Variants in CNTNAP2 observed in about 807,000 individuals in gnomAD.
The protein encoded by CNTNAP2 is contactin-associated protein-like 2.
A neutral mutation model predicts 155.2 loss-of-function variants in CNTNAP2; 98 were observed. The ratio of observed to expected loss-of-function variants is 0.63; its 90% confidence interval spans 0.54 to 0.75. The LOEUF is 0.75. CNTNAP2 is among the 30% of genes least tolerant of loss of function. CNTNAP2 has a pLI of 0.00. For synonymous variants in CNTNAP2, 651 were observed against 631.2 expected (o/e 1.03, Z -0.47); for missense variants, 1,727 against 1,688.1 (o/e 1.02, Z -0.40).
chr7:147,851,116 T>C (rs1397979992), intron 13 of CNTNAP2, among the ~76,000 whole-genome samples: 1 of 152,184 alleles, frequency 6.6e-6, no homozygotes, highest in African/African-American at 2.4e-5. Flanking sequence ...GCGAAGGACA[T>C]GAACAGACAC....
chr7:148,301,306 A>AAATATATATATAT, intron 21 of CNTNAP2, among the ~76,000 whole-genome samples: 6 of 103,870 alleles, frequency 5.8e-5, no homozygotes, highest in African/African-American at 2.3e-4. Flanking sequence ...AAAAAAAAAA[A>AAATATATATATAT]ATATATATAT....
chr7:148,415,470 C>T lies in CNTNAP2; in HGVS notation c.3850C>T (p.Arg1284Trp), dbSNP rs763809167. ...CCTGTGCACCCTGGTCTTCCTGATCCGGTACATGTTCCGCCACAAGGGCAC... is the reference window on the plus strand; with the variant it reads ...CCTGTGCACCCTGGTCTTCCTGATCTGGTACATGTTCCGCCACAAGGGCAC... ...TILCTLVFLI[R>W]YMFRHKGTYH... The change falls in exon 24 of 24, where the codon CGG becomes TGG. Residue 1284 changes from arginine (R) to tryptophan (W), a missense_variant. By Grantham distance (101) the Arg-to-Trp change is moderately radical. Coordinates refer to ENST00000361727, the MANE Select transcript of CNTNAP2 (RefSeq NM_014141.6). 1.5e-5 allele frequency: 25 copies of T among 1,614,170 alleles called. No homozygotes were observed. The Admixed American group carries it at 3.3e-4, about 22-fold the overall frequency.
At chr7:146,242,481 G>T (rs1414994757) in intron 1 of CNTNAP2, among the ~76,000 whole-genome samples, 1 of 151,698 alleles carries the variant, frequency 6.6e-6, no homozygotes, top group African/African-American at 2.4e-5. Context: ...AGAGGTTGCA[G>T]TGAGCCGAGA....
chr7:148,189,458 G>A (rs1012316418), intron 18 of CNTNAP2, among the ~76,000 whole-genome samples: 2 of 152,100 alleles, frequency 1.3e-5, no homozygotes, highest in African/African-American at 2.4e-5. Context: ...ATAAGGAACC[G>A]ACTCCTGCAA....
intron 15 of CNTNAP2, among the ~76,000 whole-genome samples, chr7:148,099,421 TTGTGTGTGTG>T (rs35957905): frequency 0.038 from 5,416 of 141,000 alleles, 303 homozygotes; most frequent in African/African-American, 0.14. Context: ...AGCATTGCAA[TTGTGTGTGTG>T]TGTGTGTGTG....
chr7:148,050,271 C>G lies in CNTNAP2; in HGVS notation c.2384-67847C>G, dbSNP rs74748318. 1.4e-3 allele frequency among the ~76,000 whole-genome samples: 213 copies of G among 152,304 alleles called. 5 individuals are homozygous for G. In the East Asian group the frequency reaches 0.038, roughly 27 times the overall value. ...GGCAGCTCTGTGTGTGTCACTGCCC[C>G]TGAAGACCTCGCAGTAGGACAAGGT... On this transcript the variant is annotated intron_variant, in intron 15 of 23. Coordinates refer to ENST00000361727, the MANE Select transcript of CNTNAP2 (RefSeq NM_014141.6).
intron 9 of CNTNAP2, among the ~76,000 whole-genome samples, chr7:147,341,291 G>A (rs554517811): frequency 1.1e-3 from 170 of 152,004 alleles, no homozygotes; most frequent in Non-Finnish European, 1.6e-3. Context: ...CCTGTCGGTC[G>A]GTGGAGGGCT....
chr7:147,036,102 G>A (rs1799147134), intron 3 of CNTNAP2, among the ~76,000 whole-genome samples: 2 of 152,110 alleles, frequency 1.3e-5, no homozygotes, highest in African/African-American at 2.4e-5. Flanking sequence ...TGTAGCCCAT[G>A]GGACAAATCT....
intron 2 of CNTNAP2, among the ~76,000 whole-genome samples, chr7:146,787,333 G>A (rs1467800063): frequency 6.6e-6 from 1 of 152,082 alleles, no homozygotes; most frequent in Non-Finnish European, 1.5e-5. Context: ...TTGCGGTGAG[G>A]GTTACAGTTC....
intron 2 of CNTNAP2, among the ~76,000 whole-genome samples, chr7:146,822,658 A>T (rs868796481): frequency 3.4e-5 from 5 of 147,470 alleles, no homozygotes; most frequent in East Asian, 2.0e-4. Context: ...TAAATATTTA[A>T]ATATAAATAT....
chr7:148,339,333 T>C (rs1798180405), intron 21 of CNTNAP2: 1 of 152,258 alleles, frequency 6.6e-6, no homozygotes, highest in South Asian at 2.1e-4. Context: ...ATTACGTTTT[T>C]TAAAACTCCA....
chr7:148,154,658 C>T (rs1038602965), intron 17 of CNTNAP2, among the ~76,000 whole-genome samples: 36 of 152,248 alleles, frequency 2.4e-4, no homozygotes, highest in East Asian at 9.7e-4. Flanking sequence ...CAACTCAGGC[C>T]GGGCATGGTG....
chr7:146,996,162 G>A (rs1798305119), intron 3 of CNTNAP2, among the ~76,000 whole-genome samples: 1 of 151,864 alleles, frequency 6.6e-6, no homozygotes, highest in South Asian at 2.1e-4. Flanking sequence ...TAAAGAGACT[G>A]TTTTTTCCCC....
chr7:148,167,073 T>C (rs1805681527), intron 17 of CNTNAP2, among the ~76,000 whole-genome samples: 1 of 152,242 alleles, frequency 6.6e-6, no homozygotes, highest in African/African-American at 2.4e-5. Context: ...TTTTCCTTTA[T>C]AGAGCGAGAA....
At chr7:147,563,786 G>T (rs1167673559) in intron 12 of CNTNAP2, among the ~76,000 whole-genome samples, 1 of 151,930 alleles carries the variant, frequency 6.6e-6, no homozygotes, top group Non-Finnish European at 1.5e-5. Flanking sequence ...AAACTTCTTG[G>T]CTCCACCCCT....
chr7:148,144,008 T>C (rs751102455), intron 16 of CNTNAP2, among the ~76,000 whole-genome samples: 8 of 152,132 alleles, frequency 5.3e-5, no homozygotes, highest in Non-Finnish European at 1.0e-4. Flanking sequence ...GCTGTCCTTA[T>C]GCAAAGTGCA....
chr7:146,200,416 C>T (rs1407814894), intron 1 of CNTNAP2, among the ~76,000 whole-genome samples: 1 of 151,956 alleles, frequency 6.6e-6, no homozygotes, highest in Non-Finnish European at 1.5e-5. Context: ...ATCACTTGAA[C>T]CCGGAAGGCG....
At chr7:146,774,443 A>G in intron 2 of CNTNAP2, 62 bp downstream of exon 2, 1 of 1,091,140 alleles carries the variant, frequency 9.2e-7, no homozygotes. Flanking sequence ...TTATATTTAT[A>G]GCCATATATA....
chr7:147,171,790 G>C (rs927441249), intron 8 of CNTNAP2, among the ~76,000 whole-genome samples: 1 of 151,768 alleles, frequency 6.6e-6, no homozygotes, highest in Non-Finnish European at 1.5e-5. Context: ...ACTAGTTTCT[G>C]ATTAAAATAG....
Sources: gnomAD v4.1 joint callset for allele counts (sites outside exome capture counted in the v4.1 genomes callset) on GRCh38, gnomAD v4.1.1 for gene constraint, MANE v1.5 for transcripts, NCBI Gene and HGNC (gene_info 2026-07-23, HGNC 2026-07-21) for gene names.